NIPBL: variants seen among roughly 807,000 people sequenced by gnomAD.
NIPBL encodes the protein nipped-B-like protein.
Under a neutral mutation model 321.8 loss-of-function variants are expected in NIPBL, and 19 were observed. The observed-to-expected ratio is 0.06, with a 90% confidence interval of 0.04 to 0.09. The LOEUF (loss-of-function observed/expected upper bound fraction) is 0.09, where lower values mean the gene tolerates loss of function less well. Among genes scored for constraint, NIPBL ranks in the 10% least tolerant of loss-of-function variants. NIPBL has a pLI of 1.00. For synonymous variants in NIPBL, 1,106 were observed against 1,114.1 expected, an observed-to-expected ratio of 0.99 and a Z score of 0.14; for missense variants, 2,210 against 3,327.0, an observed-to-expected ratio of 0.66 and a Z score of 8.26.
At chr5:37,021,989 C>G (rs1749704157) in intron 27 of NIPBL, 62 bp from the exon 28 acceptor site, 2 of 1,227,834 alleles carry the variant, frequency 1.6e-6, no homozygotes, top group Non-Finnish European at 2.4e-6. Context: ...TGTTTTCATG[C>G]TATTTTTAAT....
chr5:36,926,269 A>C (rs1749352816), intron 1 of NIPBL, among the ~76,000 whole-genome samples: 3 of 152,330 alleles, frequency 2.0e-5, no homozygotes, highest in Admixed American at 2.0e-4. Flanking sequence ...GTTTTAAAAT[A>C]ACAGCCATTT....
At chr5:36,899,954 G>T (rs1747074991) in intron 1 of NIPBL, among the ~76,000 whole-genome samples, 1 of 152,070 alleles carries the variant, frequency 6.6e-6, no homozygotes, top group South Asian at 2.1e-4. Context: ...GTATTTTTCT[G>T]TTCCTTCCTT....
chr5:36,995,438 TACAC>T, intron 10 of NIPBL, 180 bp from the exon 11 acceptor site: 1 of 553,798 alleles, frequency 1.8e-6, no homozygotes, highest in Non-Finnish European at 3.2e-6. Flanking sequence ...TGTATATATG[TACAC>T]ATACATATAT....
At chr5:36,927,988 AT>A (rs750925338) in intron 1 of NIPBL, among the ~76,000 whole-genome samples, 103 of 147,148 alleles carry the variant, frequency 7.0e-4, no homozygotes, top group African/African-American at 1.1e-3. Flanking sequence ...GGCTGCAGTG[AT>A]TTTTTTTTTT....
At chr5:36,952,695 A>G (rs151252986) in intron 1 of NIPBL, among the ~76,000 whole-genome samples, 29 of 152,338 alleles carry the variant, frequency 1.9e-4, no homozygotes, top group African/African-American at 5.3e-4. Context: ...ATTAAAGTCA[A>G]TTAAGTCATT....
At chr5:36,931,669 A>C (rs1749785570) in intron 1 of NIPBL, among the ~76,000 whole-genome samples, 1 of 151,610 alleles carries the variant, frequency 6.6e-6, no homozygotes, top group East Asian at 1.9e-4. Flanking sequence ...TTCATTTCTG[A>C]TTTTGGTAAT....
intron 22 of NIPBL, among the ~76,000 whole-genome samples, chr5:37,015,050 A>G (rs944159824): frequency 2.0e-5 from 3 of 152,152 alleles, no homozygotes; most frequent in African/African-American, 7.2e-5. Context: ...GTCTTCAGTA[A>G]ATTTTGGAGA....
chr5:36,889,924 A>C (rs948967062), intron 1 of NIPBL, among the ~76,000 whole-genome samples: 1 of 151,936 alleles, frequency 6.6e-6, no homozygotes, highest in African/African-American at 2.4e-5. Context: ...TGAAAAAAAA[A>C]ACTACATGCT....
chr5:37,057,773 T>C (rs541824524), intron 43 of NIPBL, among the ~76,000 whole-genome samples: 5 of 152,254 alleles, frequency 3.3e-5, no homozygotes, highest in East Asian at 1.9e-4. Context: ...AGCACCGTTA[T>C]AGAGTTTGCA....
intron 32 of NIPBL, among the ~76,000 whole-genome samples, chr5:37,035,053 G>T (rs958697631): frequency 6.6e-6 from 1 of 152,234 alleles, no homozygotes; most frequent in Non-Finnish European, 1.5e-5. Context: ...ACTATGGGAG[G>T]CTAAGGCAGG....
rs377289911 is a variant in NIPBL, at chr5:37,027,346, T to A, written c.5809-13T>A. The stretch of plus-strand genomic sequence containing the variant: ...AATATACTTCTAACTTTGATTCTTT[T>A]CATCACCCTTAGGTTGCAGCATGCA... On this transcript the variant is annotated splice_polypyrimidine_tract_variant and intron_variant, in intron 31 of 46. Coordinates refer to ENST00000282516, the MANE Select transcript of NIPBL (RefSeq NM_133433.4). The A allele has an allele frequency of 1.2e-6, 2 of 1,600,236 alleles. No homozygotes were observed. Among genetic ancestry groups the A allele is most frequent in the Admixed American group, 1.7e-5 (1 of 60,002 alleles).
chr5:36,979,803 T>C (rs1234223389), intron 9 of NIPBL, among the ~76,000 whole-genome samples: 2 of 151,806 alleles, frequency 1.3e-5, no homozygotes, highest in African/African-American at 4.8e-5. Flanking sequence ...GCTTTTCTTA[T>C]TAACCTGTTC....
Position 36,876,990 on chromosome 5 carries a change from GAGA to G in NIPBL, c.-265_-263del, listed in dbSNP as rs1378134782. The stretch of plus-strand genomic sequence containing the variant: ...GGTGTTTGTGAGTGTTTCTATGTGG[GAGA>G]AGGAGGAGGAGGAGGAAGAAGAAGC... On this transcript the variant is annotated 5_prime_UTR_variant, in exon 1 of 47. Coordinates refer to ENST00000282516, the MANE Select transcript of NIPBL (RefSeq NM_133433.4). 1.8e-5 allele frequency: 7 copies of G among 393,316 alleles called. No homozygotes were observed. Among genetic ancestry groups the G allele is most frequent in the South Asian group, 1.3e-4 (1 of 7,780 alleles). 24.4% of individuals were successfully genotyped at this position (393,316 alleles called of 1,614,324 possible). A position where few individuals can be genotyped will look rare whatever the true frequency, so the allele number is the denominator to read the frequency against.
Position 37,007,451 on chromosome 5 carries a change from C to A in NIPBL, c.4216C>A (p.Leu1406Ile). The A allele has an allele frequency of 6.2e-7, 1 of 1,611,180 alleles. No homozygotes were observed. The highest frequency in any genetic ancestry group is 1.1e-5 in the South Asian group (1 of 90,910). Reference protein sequence around the residue: ...SLSELLEIQLLTDTTILQVSS... With the variant: ...SLSELLEIQLITDTTILQVSS... ...ATCAGAATTGCTAGAGATACAACTT[C>A]TTACAGACACAACAATTCTTCAGGT... Residue 1406 changes from leucine to isoleucine, a missense_variant, in exon 18 of 47, where the codon CTT becomes ATT. Around this residue, in one of 14 missense-constraint regions of NIPBL, gnomAD observed 381 missense variants for 642.3 expected, o/e 0.59. Transcript: ENST00000282516.
chr5:36,888,402 A>T (rs1230590179), intron 1 of NIPBL, among the ~76,000 whole-genome samples: 4 of 152,040 alleles, frequency 2.6e-5, no homozygotes, highest in Non-Finnish European at 4.4e-5. Flanking sequence ...ACTGCATTTC[A>T]TGGAGTTGTA....
chr5:37,030,226 TAGTA>T (rs1364644115), intron 32 of NIPBL, among the ~76,000 whole-genome samples: 1 of 152,190 alleles, frequency 6.6e-6, no homozygotes, highest in Non-Finnish European at 1.5e-5. Flanking sequence ...TTTATTTAGT[TAGTA>T]AGTTAGTTTA....
chr5:36,885,442 C>T lies in NIPBL; in HGVS notation c.-80+8264C>T, dbSNP rs1483936552. 1.7e-5 allele frequency: 8 copies of T among 467,272 alleles called. No individual in the cohort carries two copies. In the East Asian group the frequency reaches 3.7e-4, roughly 22 times the overall value. 28.9% of individuals were successfully genotyped at this position (467,272 alleles called of 1,614,324 possible). A position where few individuals can be genotyped will look rare whatever the true frequency, so the allele number is the denominator to read the frequency against. ...TGGCAGGAATGGGAGGCATCCAGAA[C>T]AAGGAGACCCTCCAAAGCCTGAACA... On this transcript the variant is annotated intron_variant, in intron 1 of 46. Coordinates refer to ENST00000282516, the MANE Select transcript of NIPBL (RefSeq NM_133433.4).
In NIPBL at chr5:37,061,698, G is replaced by T. The variant is rs188749511; in HGVS notation, c.7860+680G>T. On this transcript the variant is annotated intron_variant, in intron 45 of 46. Coordinates refer to ENST00000282516, the MANE Select transcript of NIPBL (RefSeq NM_133433.4). ...CTGTCTCAAAAAAATTATTTAAAAAGCATAGTATTTGCATATAACCTACAT... is the reference window on the plus strand; with the variant it reads ...CTGTCTCAAAAAAATTATTTAAAAATCATAGTATTTGCATATAACCTACAT... Among the ~76,000 whole-genome samples, 493 of 152,154 alleles carry T rather than the reference G, an allele frequency of 3.2e-3. 2 individuals are homozygous for T. Among genetic ancestry groups the T allele is most frequent in the African/African-American group, 0.011 (476 of 41,486 alleles).
At chr5:36,965,255 G>A (rs11950346) in intron 6 of NIPBL, among the ~76,000 whole-genome samples, 4,655 of 152,156 alleles carry the variant, frequency 0.031, 99 homozygotes, top group Non-Finnish European at 0.048. Flanking sequence ...TCACAAAATA[G>A]CCAAAATATG....
Sources: gnomAD v4.1 joint callset for allele counts (sites outside exome capture counted in the v4.1 genomes callset) on GRCh38, gnomAD v4.1.1 for gene constraint, gnomAD v4.1.1 regional missense constraint, MANE v1.5 for transcripts, NCBI Gene and HGNC (gene_info 2026-07-23, HGNC 2026-07-21) for gene names.